The following CDKAL1 variants were observed in gnomAD, a reference collection of about 807,000 sequenced individuals.
The protein encoded by CDKAL1 is CDKAL1 threonylcarbamoyladenosine tRNA methylthiotransferase, also known as threonylcarbamoyladenosine tRNA methylthiotransferase.
CDKAL1 carries 32 observed loss-of-function variants against 68.2 expected under a neutral mutation model. The observed-to-expected ratio is 0.47, with a 90% CI of 0.35 to 0.63. The LOEUF is 0.63. CDKAL1 is among the 30% of genes least tolerant of loss of function. CDKAL1 has a pLI of 0.00. For missense variants in CDKAL1, 606 were observed against 696.7 expected, an observed-to-expected ratio of 0.87 and a Z score of 1.47; for synonymous variants, 234 against 244.3, an observed-to-expected ratio of 0.96 and a Z score of 0.39.
At chr6:21,058,870 G>C (rs1770983706) in intron 11 of CDKAL1, among the ~76,000 whole-genome samples, 2 of 152,120 alleles carry the variant, frequency 1.3e-5, no homozygotes, top group Admixed American at 1.3e-4. Flanking sequence ...CTGTTGTGGG[G>C]GTCTCACCTA....
intron 4 of CDKAL1, among the ~76,000 whole-genome samples, chr6:20,628,970 A>C (rs948282414): frequency 6.6e-6 from 1 of 152,164 alleles, no homozygotes; most frequent in African/African-American, 2.4e-5. Context: ...CTCCTACGCA[A>C]CTACGACAAA....
At chr6:20,583,621 A>ATT (rs879765350) in intron 4 of CDKAL1, among the ~76,000 whole-genome samples, 2 of 147,382 alleles carry the variant, frequency 1.4e-5, no homozygotes, top group African/African-American at 2.5e-5. Context: ...TGAGAGAACT[A>ATT]TTTTTTTTTT....
intron 9 of CDKAL1, among the ~76,000 whole-genome samples, chr6:20,867,644 C>T (rs55740001): frequency 0.048 from 7,361 of 152,226 alleles, 581 homozygotes; most frequent in African/African-American, 0.16. Context: ...TTCTTAGCCC[C>T]TTCTGACAGG....
chr6:20,840,374 G>A (rs1169975397), intron 8 of CDKAL1, among the ~76,000 whole-genome samples: 2 of 152,298 alleles, frequency 1.3e-5, no homozygotes, highest in South Asian at 2.1e-4. Flanking sequence ...AACAAAAAAA[G>A]GTACAGAGTT....
At chr6:21,080,234 A>G (rs1215557302) in intron 12 of CDKAL1, among the ~76,000 whole-genome samples, 2 of 152,144 alleles carry the variant, frequency 1.3e-5, no homozygotes, top group Non-Finnish European at 2.9e-5. Context: ...TGTAGAGGGA[A>G]GTTTGCCAAT....
intron 13 of CDKAL1, among the ~76,000 whole-genome samples, chr6:21,190,613 C>A (rs181094111): frequency 7.9e-5 from 12 of 152,260 alleles, no homozygotes; most frequent in Admixed American, 7.8e-4. Flanking sequence ...GTGATCCACC[C>A]GCCTCGGCCT....
chr6:20,998,913 T>G (rs1767269217), intron 10 of CDKAL1, among the ~76,000 whole-genome samples: 1 of 152,212 alleles, frequency 6.6e-6, no homozygotes, highest in Non-Finnish European at 1.5e-5. Context: ...GGGCTTCCCC[T>G]TTGGCTAAAA....
chr6:20,830,890 A>C (rs562446755), intron 8 of CDKAL1, among the ~76,000 whole-genome samples: 1 of 152,160 alleles, frequency 6.6e-6, no homozygotes, highest in South Asian at 2.1e-4. Context: ...TGTAAAATGA[A>C]AAGGTTGAAC....
At chr6:20,797,797 T>G (rs1482847212) in intron 8 of CDKAL1, among the ~76,000 whole-genome samples, 1 of 148,198 alleles carries the variant, frequency 6.7e-6, no homozygotes, top group Non-Finnish European at 1.5e-5. Flanking sequence ...TTATTTTATT[T>G]TATTTTATTT....
At position 20,670,494 on chromosome 6, in the gene CDKAL1, C is replaced by T. The variant is rs138018555; in HGVS notation, c.371+21117C>T. Among the ~76,000 whole-genome samples, 397 of 152,246 alleles carry T rather than the reference C, an allele frequency of 2.6e-3. 1 individual carries two copies. Among genetic ancestry groups the T allele is most frequent in the Non-Finnish European group, 4.1e-3 (279 of 68,006 alleles). On this transcript the variant is annotated intron_variant, in intron 5 of 15. Coordinates refer to ENST00000274695, the MANE Select transcript of CDKAL1 (RefSeq NM_017774.3). ...CCATTCTTTCCATCTTGAGCCCACC[C>T]GTCTCCCATTAGCTTTTGACTTCTC...
chr6:21,156,424 C>CAAAAAA (rs372631710), intron 13 of CDKAL1, among the ~76,000 whole-genome samples: 1 of 85,148 alleles, frequency 1.2e-5, no homozygotes, highest in African/African-American at 4.5e-5. Context: ...ACCCTGTCTC[C>CAAAAAA]AAAAAAAAAA....
At chr6:20,792,622 A>G (rs1268345808) in intron 8 of CDKAL1, among the ~76,000 whole-genome samples, 3 of 152,178 alleles carry the variant, frequency 2.0e-5, no homozygotes, top group African/African-American at 7.2e-5. Context: ...AAGATATGCA[A>G]GTATGGATTT....
chr6:21,028,910 AC>A (rs2150873762), intron 11 of CDKAL1, among the ~76,000 whole-genome samples: 1 of 152,216 alleles, frequency 6.6e-6, no homozygotes, highest in East Asian at 1.9e-4. Context: ...CATCTTTGAG[AC>A]CTTTTTGTTT....
chr6:21,077,930 C>T (rs888130906), intron 12 of CDKAL1, among the ~76,000 whole-genome samples: 14 of 152,060 alleles, frequency 9.2e-5, no homozygotes, highest in Admixed American at 7.9e-4. Flanking sequence ...GCAAGAGGGT[C>T]CCAGTTAGAG....
At position 21,167,220 on chromosome 6, in the gene CDKAL1, G is replaced by A. The variant is rs563025913; in HGVS notation, c.1300-30801G>A. On this transcript the variant is annotated intron_variant, in intron 13 of 15. Transcript: ENST00000274695. The stretch of plus-strand genomic sequence containing the variant: ...TAGTTTCAATGGTGTTTTTGAGCCC[G>A]TGAGAAAGAGTTTGAGTAGTAATGC... Among the ~76,000 whole-genome samples the A allele has an allele frequency of 5.3e-5, 8 of 152,230 alleles. No homozygotes were observed. In the South Asian group the frequency reaches 1.0e-3, roughly 20 times the overall value.
chr6:20,811,061 T>C (rs1387436575), intron 8 of CDKAL1, among the ~76,000 whole-genome samples: 1 of 152,162 alleles, frequency 6.6e-6, no homozygotes, highest in African/African-American at 2.4e-5. Flanking sequence ...AGGTACAACG[T>C]CTTCATCTCA....
intron 9 of CDKAL1, among the ~76,000 whole-genome samples, chr6:20,953,057 C>G (rs1561911802): frequency 6.6e-6 from 1 of 152,222 alleles, no homozygotes; most frequent in South Asian, 2.1e-4. Flanking sequence ...TCATTTTGCT[C>G]ATGCTCTTTC....
At chr6:20,739,962 G>A (rs1261974258) in intron 6 of CDKAL1, among the ~76,000 whole-genome samples, 2 of 152,024 alleles carry the variant, frequency 1.3e-5, no homozygotes, top group African/African-American at 4.8e-5. Flanking sequence ...TCGCCCCCTA[G>A]TACATCAATG....
intron 4 of CDKAL1, among the ~76,000 whole-genome samples, chr6:20,565,999 C>A (rs1227290485): frequency 1.3e-5 from 2 of 151,548 alleles, no homozygotes; most frequent in Admixed American, 6.6e-5. Flanking sequence ...TTTTTTTAAA[C>A]CCCTTTGTTT....
Sources: allele counts gnomAD v4.1 joint callset (sites outside exome capture counted in the v4.1 genomes callset), GRCh38; gene constraint gnomAD v4.1.1; transcripts MANE v1.5; gene names NCBI Gene and HGNC (gene_info 2026-07-23, HGNC 2026-07-21).